Variants in ADAMTSL1 observed in about 807,000 individuals in gnomAD.
ADAMTSL1 encodes ADAMTS like 1.
A neutral mutation model predicts 201.8 loss-of-function variants in ADAMTSL1; 126 were observed. The ratio of observed to expected loss-of-function variants is 0.62; its 90% confidence interval spans 0.54 to 0.72. ADAMTSL1 has a LOEUF of 0.72. Among genes scored for constraint, ADAMTSL1 ranks in the 30% least tolerant of loss-of-function variants. ADAMTSL1 has a pLI of 0.00. For synonymous variants in ADAMTSL1, 1,121 were observed against 903.4 expected (o/e 1.24, Z -4.32); for missense variants, 2,679 against 2,277.8 (o/e 1.18, Z -3.59).
intron 2 of ADAMTSL1, among the ~76,000 whole-genome samples, chr9:18,268,445 A>T (rs1266038500): frequency 3.3e-5 from 5 of 152,180 alleles, no homozygotes; most frequent in Admixed American, 3.3e-4. Context: ...TTGCCCTTTT[A>T]TGTCATTTGG....
rs1344663717 is a variant in ADAMTSL1, at chr9:18,099,349, ATATATATTTTTTT to A, written c.88-64511_88-64499del. On this transcript the variant is annotated intron_variant, in intron 1 of 29. Coordinates refer to the ADAMTSL1 transcript ENST00000680146. ...AAAATATATATATATATATATATAT[ATATATATTTTTTT>A]TTTTTTTTTTAACATCCATTAATTT... Among the ~76,000 whole-genome samples, 4 of 49,296 alleles carry A rather than the reference ATATATATTTTTTT, an allele frequency of 8.1e-5. No homozygotes were observed. The South Asian group carries it at 2.8e-3, about 35-fold the overall frequency. The allele number at this position is 49,296 out of a possible 152,430, so 32.3% of individuals were successfully genotyped here.
At chr9:18,053,782 G>T (rs34071014) in intron 1 of ADAMTSL1, among the ~76,000 whole-genome samples, 9,573 of 152,238 alleles carry the variant, frequency 0.063, 363 homozygotes, top group South Asian at 0.14. Context: ...ACCAGGCTCC[G>T]AGGAGGCTTC....
chr9:18,760,504 C>A (rs1051756307), intron 16 of ADAMTSL1, among the ~76,000 whole-genome samples: 1 of 152,158 alleles, frequency 6.6e-6, no homozygotes, highest in African/African-American at 2.4e-5. Context: ...ACTTATTTTA[C>A]CAGGAAGCCC....
intron 2 of ADAMTSL1, among the ~76,000 whole-genome samples, chr9:18,422,169 T>C (rs1818984741): frequency 6.6e-6 from 1 of 152,146 alleles, no homozygotes; most frequent in Admixed American, 6.6e-5. Flanking sequence ...GTTCTCCCTA[T>C]TGAATAATGT....
chr9:17,926,008 A>G (rs1019395132), intron 1 of ADAMTSL1, among the ~76,000 whole-genome samples: 1 of 152,152 alleles, frequency 6.6e-6, no homozygotes, highest in Non-Finnish European at 1.5e-5. Flanking sequence ...TCATGTGCCT[A>G]TTATTTAGGA....
intron 2 of ADAMTSL1, among the ~76,000 whole-genome samples, chr9:18,416,081 C>T (rs1056041048): frequency 7.2e-5 from 11 of 151,814 alleles, no homozygotes; most frequent in African/African-American, 2.4e-4. Context: ...AAAATTATGA[C>T]GAATGGGAAT....
intron 2 of ADAMTSL1, among the ~76,000 whole-genome samples, chr9:18,385,775 A>G (rs981480651): frequency 2.6e-5 from 4 of 152,194 alleles, no homozygotes; most frequent in Admixed American, 6.5e-5. Context: ...TCCCCACTCC[A>G]GTAGTATTTG....
chr9:18,471,180 G>C (rs1888069), upstream of ADAMTSL1, among the ~76,000 whole-genome samples: 80,249 of 152,064 alleles, frequency 0.53, 21,310 homozygotes, highest in Admixed American at 0.55. Flanking sequence ...ATATACCCAT[G>C]GTAAACCCTG....
intron 1 of ADAMTSL1, among the ~76,000 whole-genome samples, chr9:18,062,194 C>A (rs182447951): frequency 6.6e-6 from 1 of 152,134 alleles, no homozygotes; most frequent in Non-Finnish European, 1.5e-5. Flanking sequence ...ATTTCTGGAA[C>A]ATTTCAGGTT....
rs187518563 is a variant in ADAMTSL1 at position 18,435,730 on chromosome 9, G to C, written c.208-69099G>C. On this transcript the variant is annotated intron_variant, in intron 2 of 29. Coordinates refer to the ADAMTSL1 transcript ENST00000680146. ...ATTGAGCAGGCCTCACAATCATGGCGGATGGCAAGGAGGAACAAGTCACAT... is the reference window on the plus strand; with the variant it reads ...ATTGAGCAGGCCTCACAATCATGGCCGATGGCAAGGAGGAACAAGTCACAT... 7.0e-3 allele frequency among the ~76,000 whole-genome samples: 1,059 copies of C among 152,296 alleles called. 11 individuals carry two copies. The highest frequency in any genetic ancestry group is 0.024 in the African/African-American group (997 of 41,566).
intron 2 of ADAMTSL1, among the ~76,000 whole-genome samples, chr9:18,519,449 A>T (rs115783293): frequency 0.015 from 2,276 of 152,248 alleles, 42 homozygotes; most frequent in African/African-American, 0.048. Context: ...CCCACCTAAG[A>T]TACTTCCTTT....
At chr9:18,240,939 A>C (rs550449575) in intron 2 of ADAMTSL1, among the ~76,000 whole-genome samples, 1 of 152,328 alleles carries the variant, frequency 6.6e-6, no homozygotes, top group East Asian at 1.9e-4. Context: ...CACTTCTGTC[A>C]ACATTCACAG....
At chr9:18,674,998 G>GAGTAGT (rs55702345) in intron 9 of ADAMTSL1, among the ~76,000 whole-genome samples, 60,379 of 151,420 alleles carry the variant, frequency 0.4, 12,056 homozygotes, top group African/African-American at 0.42. Flanking sequence ...AAGTAGGTCA[G>GAGTAGT]AGTAGTTTAT....
chr9:18,777,057 G>T lies in ADAMTSL1; in HGVS notation c.2828G>T (p.Gly943Val), dbSNP rs1821066818. ...KIHRLKPSDA[G>V]VYTCSAGPAR... Reference sequence around the variant, plus strand: ...CACCGCCTCAAGCCCTCGGATGCAGGCGTCTACACCTGCTCAGCGGGCCCG... The same window carrying T: ...CACCGCCTCAAGCCCTCGGATGCAGTCGTCTACACCTGCTCAGCGGGCCCG... The change falls in exon 19 of 29, where the codon GGC becomes GTC. Residue 943 changes from glycine (G) to valine (V), a missense_variant. Coordinates refer to ENST00000380548, the MANE Select transcript of ADAMTSL1 (RefSeq NM_001040272.6). 5 of 1,612,782 alleles carry T rather than the reference G, an allele frequency of 3.1e-6. No homozygotes were observed. The highest frequency in any genetic ancestry group is 4.2e-6 in the Non-Finnish European group (5 of 1,179,344).
chr9:18,790,071 G>T (rs543590700), intron 19 of ADAMTSL1, among the ~76,000 whole-genome samples: 28 of 152,064 alleles, frequency 1.8e-4, no homozygotes, highest in Non-Finnish European at 2.9e-4. Context: ...TTCCAAGAAG[G>T]TTACTTAGGT....
intron 2 of ADAMTSL1, among the ~76,000 whole-genome samples, chr9:18,334,362 T>A (rs1373095695): frequency 6.6e-6 from 1 of 152,178 alleles, no homozygotes; most frequent in Non-Finnish European, 1.5e-5. Context: ...TGCTTGTGCA[T>A]ATACACGTGT....
At chr9:18,846,292 T>TG (rs1384247340) in intron 23 of ADAMTSL1, among the ~76,000 whole-genome samples, 2 of 149,806 alleles carry the variant, frequency 1.3e-5, no homozygotes, top group African/African-American at 4.8e-5. Context: ...TGGCAAGAGC[T>TG]GGGGGCTTTT....
chr9:18,509,045 G>A lies in ADAMTSL1; in HGVS notation c.191+4089G>A, dbSNP rs4385563. ...TAAAAATACAAAAAATTAGCCGGGC[G>A]CGGTGGCGGGCGCCTGTAGTCCCAG... On this transcript the variant is annotated intron_variant, in intron 2 of 28. Transcript: ENST00000380548. 6.1e-5 allele frequency among the ~76,000 whole-genome samples: 8 copies of A among 130,550 alleles called. No homozygotes were observed. The East Asian group carries it at 1.2e-3, about 19-fold the overall frequency. 85.6% of individuals were successfully genotyped at this position (130,550 alleles called of 152,430 possible). A position where few individuals can be genotyped will look rare whatever the true frequency, so the allele number is the denominator to read the frequency against.
intron 1 of ADAMTSL1, among the ~76,000 whole-genome samples, chr9:18,112,425 A>T (rs545312601): frequency 6.6e-6 from 1 of 151,990 alleles, no homozygotes; most frequent in Non-Finnish European, 1.5e-5. Flanking sequence ...AGAGATTTCG[A>T]GGGGCTGAGA....
Sources: allele counts gnomAD v4.1 joint callset (sites outside exome capture counted in the v4.1 genomes callset), GRCh38; gene constraint gnomAD v4.1.1; transcripts MANE v1.5; gene names NCBI Gene and HGNC (gene_info 2026-07-23, HGNC 2026-07-21).